Variants in BCL11B observed in about 807,000 individuals in gnomAD.
The protein encoded by BCL11B is B-cell lymphoma/leukemia 11B.
BCL11B carries 8 observed loss-of-function variants against 49.9 expected under a neutral mutation model. The observed-to-expected ratio is 0.16, with a 90% CI of 0.09 to 0.29. The LOEUF is 0.29. BCL11B is among the 10% of genes least tolerant of loss of function. The probability of loss-of-function intolerance (pLI) is 1.00; values close to 1 mark genes in which losing one functional copy is unlikely to be tolerated. For missense variants in BCL11B, 1,006 were observed against 1,351.0 expected, an observed-to-expected ratio of 0.74 and a Z score of 4.00; for synonymous variants, 739 against 637.4, an observed-to-expected ratio of 1.16 and a Z score of -2.40.
chr14:99,212,746 T>A (rs944466870), intron 3 of BCL11B, among the ~76,000 whole-genome samples: 1 of 152,128 alleles, frequency 6.6e-6, no homozygotes, highest in African/African-American at 2.4e-5. Flanking sequence ...AAGTGTCCAC[T>A]TGCCTGTGAC....
intron 1 of BCL11B, among the ~76,000 whole-genome samples, chr14:99,269,983 G>A (rs972078721): frequency 2.0e-5 from 3 of 147,408 alleles, no homozygotes. Flanking sequence ...AAGCCGCCCC[G>A]CGGGCTGCGG....
intron 3 of BCL11B, among the ~76,000 whole-genome samples, chr14:99,193,922 C>T (rs1887108559): frequency 6.6e-6 from 1 of 152,146 alleles, no homozygotes; most frequent in African/African-American, 2.4e-5. Flanking sequence ...TTTATTTCTC[C>T]CCCTTCTCTG....
At chr14:99,218,909 G>A (rs1426265779) in intron 3 of BCL11B, among the ~76,000 whole-genome samples, 5 of 152,342 alleles carry the variant, frequency 3.3e-5, no homozygotes, top group Non-Finnish European at 5.9e-5. Context: ...CAGAAGAGAA[G>A]TCAAACCCAG....
chr14:99,183,061 G>A (rs1276811889), intron 3 of BCL11B, among the ~76,000 whole-genome samples: 1 of 152,078 alleles, frequency 6.6e-6, no homozygotes, highest in East Asian at 1.9e-4. Context: ...CACTCCAGGG[G>A]GGAGACAGGG....
intron 1 of BCL11B, among the ~76,000 whole-genome samples, chr14:99,269,792 G>T (rs1336695665): frequency 6.7e-6 from 1 of 149,130 alleles, no homozygotes; most frequent in African/African-American, 2.5e-5. Context: ...GCCCCAGCCC[G>T]GCGAGGTGCG....
At chr14:99,225,673 G>C (rs1298849900) in intron 3 of BCL11B, among the ~76,000 whole-genome samples, 1 of 152,068 alleles carries the variant, frequency 6.6e-6, no homozygotes, top group Non-Finnish European at 1.5e-5. Flanking sequence ...AAGAAAGAAA[G>C]AAACTGCACT....
At chr14:99,265,506 T>C (rs1351149141) in intron 1 of BCL11B, among the ~76,000 whole-genome samples, 2 of 152,140 alleles carry the variant, frequency 1.3e-5, no homozygotes, top group African/African-American at 4.8e-5. Flanking sequence ...TTGTCTTATC[T>C]ATGATCTGTG....
At chr14:99,187,662 C>A (rs962725982) in intron 3 of BCL11B, among the ~76,000 whole-genome samples, 152 of 136,006 alleles carry the variant, frequency 1.1e-3, no homozygotes, top group African/African-American at 1.2e-3. Flanking sequence ...GATAAACAGG[C>A]AAAAAAAAAA....
intron 3 of BCL11B, among the ~76,000 whole-genome samples, chr14:99,204,657 C>T (rs1301092636): frequency 1.3e-5 from 2 of 152,192 alleles, no homozygotes; most frequent in Admixed American, 6.5e-5. Context: ...CAGTGCTGGG[C>T]ATCTGGGAGC....
chr14:99,257,927 C>A lies in BCL11B; in HGVS notation c.59-88G>T. 2 of 1,388,892 alleles carry A rather than the reference C, an allele frequency of 1.4e-6. No homozygotes were observed. Among genetic ancestry groups the A allele is most frequent in the Non-Finnish European group, 9.4e-7 (1 of 1,061,324 alleles). The allele number at this position is 1,388,892 out of a possible 1,614,324, so 86.0% of individuals were successfully genotyped here. A position where few individuals can be genotyped will look rare whatever the true frequency, so the allele number is the denominator to read the frequency against. On this transcript the variant is annotated intron_variant, in intron 1 of 3. Coordinates refer to ENST00000357195, the MANE Select transcript of BCL11B (RefSeq NM_138576.4). This position sits in a 1 kb window ranked among gnomAD's most constrained non-coding sequence, Gnocchi z 6.2. The stretch of plus-strand genomic sequence containing the variant: ...GCACCCAACTTCCGGTCCACCCCTT[C>A]CCCGCCAAGAAGCAGCCCCCTCTGC...
chr14:99,236,100 C>T (rs1019768693), intron 2 of BCL11B, among the ~76,000 whole-genome samples: 2 of 152,074 alleles, frequency 1.3e-5, no homozygotes, highest in Non-Finnish European at 2.9e-5. Flanking sequence ...CAAATAAGCG[C>T]TTGCCAAGTG....
chr14:99,234,677 G>A lies in BCL11B; in HGVS notation c.428-3120C>T, dbSNP rs375846287. Among the ~76,000 whole-genome samples the A allele has an allele frequency of 2.9e-3, 440 of 152,042 alleles. 3 individuals are homozygous for A. Among genetic ancestry groups the A allele is most frequent in the South Asian group, 0.019 (91 of 4,812 alleles). On this transcript the variant is annotated intron_variant, in intron 2 of 3. Transcript: ENST00000357195. ...CGGAGATCCAGGAAACTCACCAAAC[G>A]GTCACTATCATTCTCTTGCTTTCCA...
In BCL11B at chr14:99,170,611, A is replaced by G. The variant is rs1886257639; in HGVS notation, c.*3540T>C. The G allele has an allele frequency of 1.3e-5, 3 of 232,954 alleles. No homozygotes were observed. Among genetic ancestry groups the G allele is most frequent in the Non-Finnish European group, 8.5e-6 (1 of 117,598 alleles). 14.4% of individuals were successfully genotyped at this position (232,954 alleles called of 1,614,324 possible). A position where few individuals can be genotyped will look rare whatever the true frequency, so the allele number is the denominator to read the frequency against. ...GACCAATGGAGGATGAAGGATGGAGAGGAAACGCAGGGGAAGGAGAGAGAA... is the reference window on the plus strand; with the variant it reads ...GACCAATGGAGGATGAAGGATGGAGGGGAAACGCAGGGGAAGGAGAGAGAA... On this transcript the variant is annotated 3_prime_UTR_variant, in exon 4 of 4. Coordinates refer to ENST00000357195, the MANE Select transcript of BCL11B (RefSeq NM_138576.4).
rs1484535568 is a variant in BCL11B, at chr14:99,211,737, A to T, written c.640+19608T>A. ...ACTCTGACCTGCTGGTGCATTTCCC[A>T]CCCAGAGGTTCACACCAAACTCCGC... On this transcript the variant is annotated intron_variant, in intron 3 of 3. Transcript: ENST00000357195. 2.0e-5 allele frequency among the ~76,000 whole-genome samples: 3 copies of T among 151,536 alleles called. No individual in the cohort carries two copies. The East Asian group carries it at 5.8e-4, about 29-fold the overall frequency.
At chr14:99,187,457 C>T (rs1056170301) in intron 3 of BCL11B, among the ~76,000 whole-genome samples, 6 of 152,216 alleles carry the variant, frequency 3.9e-5, no homozygotes, top group African/African-American at 9.6e-5. Context: ...AAAGGGCCTA[C>T]GCTGTTCCAG....
At chr14:99,252,672 G>T (rs1464868620) in intron 2 of BCL11B, among the ~76,000 whole-genome samples, 1 of 152,240 alleles carries the variant, frequency 6.6e-6, no homozygotes, top group Non-Finnish European at 1.5e-5. Flanking sequence ...AGCCCAGAGG[G>T]ATCTGCCACC....
chr14:99,203,964 A>C (rs1887461695), intron 3 of BCL11B, among the ~76,000 whole-genome samples: 1 of 152,164 alleles, frequency 6.6e-6, no homozygotes. Flanking sequence ...AGTGCCCAGG[A>C]TGCCATCAGC....
chr14:99,236,216 T>G (rs1888493184), intron 2 of BCL11B, among the ~76,000 whole-genome samples: 1 of 152,144 alleles, frequency 6.6e-6, no homozygotes, highest in Non-Finnish European at 1.5e-5. Flanking sequence ...ATAAACAAGA[T>G]AGGCAGATAA....
chr14:99,258,994 G>A (rs1889259645), intron 1 of BCL11B, among the ~76,000 whole-genome samples: 1 of 118,094 alleles, frequency 8.5e-6, no homozygotes, highest in Non-Finnish European at 1.8e-5. Context: ...AAAATTGGAA[G>A]ACTCGGCAGC....
Sources: gnomAD v4.1 joint callset for allele counts (sites outside exome capture counted in the v4.1 genomes callset) on GRCh38, gnomAD v4.1.1 for gene constraint, Gnocchi (gnomAD v3.1) non-coding constraint, MANE v1.5 for transcripts, NCBI Gene and HGNC (gene_info 2026-07-23, HGNC 2026-07-21) for gene names.